CSRNP3: variants seen among roughly 807,000 people sequenced by gnomAD.
CSRNP3 encodes the protein cysteine/serine-rich nuclear protein 3.
In CSRNP3, 12 loss-of-function variants were observed where a neutral mutation model predicts 48.0. The observed-to-expected ratio is 0.25, with a 90% confidence interval of 0.16 to 0.41. CSRNP3 has a LOEUF of 0.41. Ranked by LOEUF, CSRNP3 falls within the 10% of genes least tolerant of loss-of-function variation. The pLI, the probability that CSRNP3 is intolerant of heterozygous loss-of-function variation, is 1.00. For missense variants in CSRNP3, 580 were observed against 724.4 expected (o/e 0.80, Z 2.29); for synonymous variants, 263 against 269.7 (o/e 0.98, Z 0.24).
At chr2:165,499,447 A>G (rs184968290) in intron 2 of CSRNP3, among the ~76,000 whole-genome samples, 112 of 152,306 alleles carry the variant, frequency 7.4e-4, no homozygotes, top group Admixed American at 3.5e-3. Context: ...TGCGATTTCT[A>G]AATAGGCTGC....
chr2:165,641,890 C>G (rs965515925), intron 4 of CSRNP3, among the ~76,000 whole-genome samples: 6 of 152,058 alleles, frequency 3.9e-5, no homozygotes, highest in African/African-American at 1.4e-4. Context: ...TCTCTTCTAT[C>G]CAAGGAAATA....
At chr2:165,501,163 C>T (rs1011105643) in intron 2 of CSRNP3, among the ~76,000 whole-genome samples, 9 of 152,088 alleles carry the variant, frequency 5.9e-5, no homozygotes, top group Non-Finnish European at 1.3e-4. Flanking sequence ...TAATGAAATG[C>T]TATGCTAAGA....
intron 3 of CSRNP3, among the ~76,000 whole-genome samples, chr2:165,583,871 G>A (rs762926664): frequency 1.3e-5 from 2 of 152,086 alleles, no homozygotes; most frequent in South Asian, 2.1e-4. Context: ...TCCAAGAGAG[G>A]GTTCTTGGAT....
Position 165,686,852 on chromosome 2 carries a change from A to G in CSRNP3, c.*7099A>G, listed in dbSNP as rs1404876368. On this transcript the variant is annotated 3_prime_UTR_variant, in exon 7 of 7. Transcript: ENST00000651982. ...ACTCACAATGGCCAACTGTGTGTGAATACTGGAAAGTTTGAGATTCTTCTA... is the reference window on the plus strand; with the variant it reads ...ACTCACAATGGCCAACTGTGTGTGAGTACTGGAAAGTTTGAGATTCTTCTA... 1.3e-5 allele frequency: 2 copies of G among 152,078 alleles called. No homozygotes were observed. Among genetic ancestry groups the G allele is most frequent in the Non-Finnish European group, 2.9e-5 (2 of 67,994 alleles). 9.4% of individuals were successfully genotyped at this position (152,078 alleles called of 1,614,324 possible).
intron 1 of CSRNP3, among the ~76,000 whole-genome samples, chr2:165,484,651 T>G (rs1223328684): frequency 6.6e-6 from 1 of 152,180 alleles, no homozygotes; most frequent in African/African-American, 2.4e-5. Flanking sequence ...TGGGACAAAC[T>G]CAATAAAGAA....
Position 165,681,859 on chromosome 2 carries a change from A to C in CSRNP3, c.*2106A>C, listed in dbSNP as rs1687553955. On this transcript the variant is annotated 3_prime_UTR_variant, in exon 7 of 7. Coordinates refer to ENST00000651982, the MANE Select transcript of CSRNP3 (RefSeq NM_001172173.2). ...TATATATATCCCATGTTGTCTGCAA[A>C]GTGACAGTTTTTAGTGCTTAATCTC... 1 of 148,530 alleles carries C rather than the reference A, an allele frequency of 6.7e-6. No individual in the cohort carries two copies. Among genetic ancestry groups the C allele is most frequent in the South Asian group, 2.1e-4 (1 of 4,690 alleles). 9.2% of individuals were successfully genotyped at this position (148,530 alleles called of 1,614,324 possible). A position where few individuals can be genotyped will look rare whatever the true frequency, so the allele number is the denominator to read the frequency against.
At chr2:165,491,060 G>T (rs1231806981) in intron 1 of CSRNP3, among the ~76,000 whole-genome samples, 1 of 135,528 alleles carries the variant, frequency 7.4e-6, no homozygotes, top group Non-Finnish European at 1.6e-5. Flanking sequence ...TCTGACAAAG[G>T]GCTAATATCC....
At chr2:165,501,765 T>A (rs146478321) in intron 2 of CSRNP3, among the ~76,000 whole-genome samples, 16 of 152,244 alleles carry the variant, frequency 1.1e-4, no homozygotes, top group Non-Finnish European at 1.8e-4. Flanking sequence ...ATAGGCCAAT[T>A]GTATAGCAAT....
chr2:165,661,956 T>TGTATC (rs1365253492), intron 5 of CSRNP3, among the ~76,000 whole-genome samples: 9 of 152,128 alleles, frequency 5.9e-5, no homozygotes, highest in Non-Finnish European at 1.5e-5. Context: ...GAAGTTCCTC[T>TGTATC]TTCCACTGTC....
At chr2:165,574,795 T>G (rs1685422266) in intron 3 of CSRNP3, among the ~76,000 whole-genome samples, 1 of 152,236 alleles carries the variant, frequency 6.6e-6, no homozygotes, top group South Asian at 2.1e-4. Flanking sequence ...AAGATCCGAG[T>G]TCCTAGCCTA....
At chr2:165,667,368 C>T (rs1166497877) in intron 5 of CSRNP3, among the ~76,000 whole-genome samples, 1 of 152,168 alleles carries the variant, frequency 6.6e-6, no homozygotes, top group Non-Finnish European at 1.5e-5. Context: ...CTAATAATTA[C>T]TGCTCTTTTT....
intron 4 of CSRNP3, among the ~76,000 whole-genome samples, chr2:165,651,459 C>T (rs1686901962): frequency 6.6e-6 from 1 of 152,104 alleles, no homozygotes; most frequent in Non-Finnish European, 1.5e-5. Flanking sequence ...TTTATTTCAC[C>T]AGAGTACTTG....
chr2:165,531,942 T>G (rs1236686098), intron 3 of CSRNP3, among the ~76,000 whole-genome samples: 1 of 152,030 alleles, frequency 6.6e-6, no homozygotes, highest in Non-Finnish European at 1.5e-5. Context: ...TCTACACAAA[T>G]AAACTAGAAA....
chr2:165,671,171 A>G (rs2105359031), intron 5 of CSRNP3, among the ~76,000 whole-genome samples: 1 of 152,334 alleles, frequency 6.6e-6, no homozygotes, highest in African/African-American at 2.4e-5. Flanking sequence ...AGAAGTTACA[A>G]TTAATTTAAG....
Position 165,632,269 on chromosome 2 carries a change from C to CCTACTACT in CSRNP3, c.149-25491_149-25484dup, listed in dbSNP as rs1686551016. 2.6e-5 allele frequency among the ~76,000 whole-genome samples: 4 copies of CCTACTACT among 152,244 alleles called. No homozygotes were observed. The South Asian group carries it at 8.3e-4, about 32-fold the overall frequency. ...AGGCATGGTAGTTCACACCTGTAATCCTACTACTTTGGGAGGCTGAGGCAG... is the reference window on the plus strand; with the variant it reads ...AGGCATGGTAGTTCACACCTGTAATCCTACTACTCTACTACTTTGGGAGGCTGAGGCAG... On this transcript the variant is annotated intron_variant, in intron 4 of 6. Coordinates refer to ENST00000651982, the MANE Select transcript of CSRNP3 (RefSeq NM_001172173.2).
At position 165,669,430 on chromosome 2, in the gene CSRNP3, AT is replaced by A. The variant is rs578197034; in HGVS notation, c.409-6879del. On this transcript the variant is annotated intron_variant, in intron 5 of 6. Coordinates refer to ENST00000651982, the MANE Select transcript of CSRNP3 (RefSeq NM_001172173.2). ...GCACCAAAAATTTCATCTCATTAAAATTTATGGAAGAACTCATTCACAACAT... is the reference window on the plus strand; with the variant it reads ...GCACCAAAAATTTCATCTCATTAAAATTATGGAAGAACTCATTCACAACAT... Among the ~76,000 whole-genome samples, 341 of 152,288 alleles carry A rather than the reference AT, an allele frequency of 2.2e-3. 6 individuals carry two copies. The highest frequency in any genetic ancestry group is 7.8e-3 in the African/African-American group (323 of 41,558).
At position 165,539,685 on chromosome 2, in the gene CSRNP3, G is replaced by C. The variant is rs185730883; in HGVS notation, c.-24+21724G>C. On this transcript the variant is annotated intron_variant, in intron 3 of 6. Coordinates refer to ENST00000651982, the MANE Select transcript of CSRNP3 (RefSeq NM_001172173.2). ...CTGCGACCTTTTTATTTAAATCAAC[G>C]TGAATTTATATTTGCACTCCAAGTG... 5.1e-4 allele frequency among the ~76,000 whole-genome samples: 77 copies of C among 151,864 alleles called. 1 individual carries two copies. Among genetic ancestry groups the C allele is most frequent in the Non-Finnish European group, 1.0e-3 (71 of 67,954 alleles).
intron 3 of CSRNP3, among the ~76,000 whole-genome samples, chr2:165,522,316 A>AAACG (rs903554292): frequency 2.0e-5 from 3 of 151,966 alleles, no homozygotes; most frequent in Admixed American, 6.6e-5. Context: ...ACAAACAAAC[A>AAACG]AACAAAAAAC....
intron 4 of CSRNP3, among the ~76,000 whole-genome samples, chr2:165,645,417 C>T (rs1277151562): frequency 1.3e-5 from 2 of 152,160 alleles, no homozygotes; most frequent in Non-Finnish European, 2.9e-5. Context: ...AACAACCTCC[C>T]AAATGCTCCA....
Sources: allele counts gnomAD v4.1 joint callset (sites outside exome capture counted in the v4.1 genomes callset), GRCh38; gene constraint gnomAD v4.1.1; transcripts MANE v1.5; gene names NCBI Gene and HGNC (gene_info 2026-07-23, HGNC 2026-07-21).